The following RABGAP1L variants were observed in gnomAD, a reference collection of about 807,000 sequenced individuals.
RABGAP1L encodes the protein rab GTPase-activating protein 1-like.
In RABGAP1L, 63 loss-of-function variants were observed where a neutral mutation model predicts 137.7. The observed-to-expected ratio is 0.46, with a 90% CI of 0.37 to 0.56. The LOEUF (loss-of-function observed/expected upper bound fraction) is 0.56, where lower values mean the gene tolerates loss of function less well. Among genes scored for constraint, RABGAP1L ranks in the 20% least tolerant of loss-of-function variants. The probability of loss-of-function intolerance (pLI) is 0.00; values close to 1 mark genes in which losing one functional copy is unlikely to be tolerated. For synonymous variants in RABGAP1L, 431 were observed against 433.7 expected (o/e 0.99, Z 0.08); for missense variants, 1,095 against 1,244.0 (o/e 0.88, Z 1.80).
intron 1 of RABGAP1L, among the ~76,000 whole-genome samples, chr1:174,217,511 A>G (rs1669429283): frequency 6.6e-6 from 1 of 152,182 alleles, no homozygotes; most frequent in Admixed American, 6.5e-5. Flanking sequence ...CCTGAGAAGG[A>G]CTTGAAGGAT....
intron 19 of RABGAP1L, chr1:174,875,834 C>T (rs968870489): frequency 2.5e-5 from 11 of 445,518 alleles, no homozygotes; most frequent in Non-Finnish European, 3.0e-5. Context: ...TAATGCTTAA[C>T]AGACAAAGCA....
chr1:174,378,799 C>G (rs1314442491), intron 12 of RABGAP1L, among the ~76,000 whole-genome samples: 2 of 132,718 alleles, frequency 1.5e-5, no homozygotes, highest in African/African-American at 2.7e-5. Flanking sequence ...AATTAGATCC[C>G]ATTTGTCAAT....
chr1:174,720,286 T>TAGAC lies in RABGAP1L; in HGVS notation c.2169+18033_2169+18034insCAGA, dbSNP rs1405238811. Among the ~76,000 whole-genome samples, 354 of 134,228 alleles carry TAGAC rather than the reference T, an allele frequency of 2.6e-3. 3 individuals carry two copies. The highest frequency in any genetic ancestry group is 0.012 in the African/African-American group (310 of 26,756). 88.1% of individuals were successfully genotyped at this position (134,228 alleles called of 152,430 possible). A position where few individuals can be genotyped will look rare whatever the true frequency, so the allele number is the denominator to read the frequency against. On this transcript the variant is annotated intron_variant, in intron 17 of 25. Coordinates refer to ENST00000681986, the MANE Select transcript of RABGAP1L (RefSeq NM_001366446.1). ...ATAGATAGATAGATAGATAGATAGA[T>TAGAC]AGATAGACAGACAGATAGTTGGTTT...
intron 13 of RABGAP1L, among the ~76,000 whole-genome samples, chr1:174,614,390 C>G (rs1557901286): frequency 6.6e-6 from 1 of 152,156 alleles, no homozygotes; most frequent in Non-Finnish European, 1.5e-5. Flanking sequence ...TTGGCCCCCA[C>G]TCTCTTCTGG....
At position 174,410,488 on chromosome 1, in the gene RABGAP1L, TTATTGA is replaced by T. The variant is rs535064359; in HGVS notation, c.1710+16344_1710+16349del. Reference sequence around the variant, plus strand: ...ATGTGTGGCTAAGTCTTTTCACCATTTATTGAATAAGGAGCCCTTTCCCTATTGCTT... The same window carrying T: ...ATGTGTGGCTAAGTCTTTTCACCATTATAAGGAGCCCTTTCCCTATTGCTT... On this transcript the variant is annotated intron_variant, in intron 13 of 25. Transcript: ENST00000681986. Among the ~76,000 whole-genome samples the T allele has an allele frequency of 3.0e-4, 46 of 152,256 alleles. 1 individual carries two copies. The South Asian group carries it at 9.5e-3, about 32-fold the overall frequency.
chr1:174,885,110 T>C (rs907622040), intron 19 of RABGAP1L, among the ~76,000 whole-genome samples: 13 of 152,146 alleles, frequency 8.5e-5, no homozygotes, highest in African/African-American at 2.7e-4. Flanking sequence ...GAGAAAGTAG[T>C]CCGGACTGAA....
chr1:174,817,615 G>T (rs1488110918), intron 19 of RABGAP1L, among the ~76,000 whole-genome samples: 3 of 152,082 alleles, frequency 2.0e-5, no homozygotes, highest in Non-Finnish European at 4.4e-5. Context: ...TAAGCAATTT[G>T]GATTTTATCC....
At chr1:174,817,102 C>T (rs900698984) in intron 19 of RABGAP1L, among the ~76,000 whole-genome samples, 4 of 152,166 alleles carry the variant, frequency 2.6e-5, no homozygotes, top group Middle Eastern at 3.4e-3. Flanking sequence ...ACCATATTTA[C>T]GATGGACTTC....
chr1:174,878,922 A>ATTTTTTTT (rs1553270633), intron 19 of RABGAP1L, among the ~76,000 whole-genome samples: 1 of 105,360 alleles, frequency 9.5e-6, no homozygotes, highest in African/African-American at 4.3e-5. Context: ...TTTTTTGTGC[A>ATTTTTTTT]TTGTTTTTTT....
chr1:174,384,094 C>T (rs951074516), intron 12 of RABGAP1L, among the ~76,000 whole-genome samples: 2 of 152,146 alleles, frequency 1.3e-5, no homozygotes, highest in Non-Finnish European at 2.9e-5. Flanking sequence ...TGCTACTGAG[C>T]AATTAAAAGA....
intron 13 of RABGAP1L, among the ~76,000 whole-genome samples, chr1:174,413,050 A>G (rs186669374): frequency 2.6e-4 from 40 of 152,288 alleles, no homozygotes; most frequent in Admixed American, 2.6e-3. Context: ...TCACTCAAAT[A>G]TGTTTTTCAG....
intron 13 of RABGAP1L, among the ~76,000 whole-genome samples, chr1:174,511,398 A>G (rs1662320120): frequency 6.6e-6 from 1 of 152,218 alleles, no homozygotes. Flanking sequence ...TTTATAATTA[A>G]GTAAGCTTAC....
At chr1:174,953,755 CTG>C (rs1480882567) in intron 19 of RABGAP1L, among the ~76,000 whole-genome samples, 2 of 152,184 alleles carry the variant, frequency 1.3e-5, no homozygotes, top group African/African-American at 2.4e-5. Context: ...TCAGCAGACA[CTG>C]TGGGAGATCG....
intron 11 of RABGAP1L, among the ~76,000 whole-genome samples, chr1:174,328,294 A>G (rs1277016412): frequency 6.6e-6 from 1 of 152,002 alleles, no homozygotes; most frequent in Non-Finnish European, 1.5e-5. Flanking sequence ...ATCATATCTT[A>G]GGCTACAAAA....
chr1:174,946,940 ATGTGTG>A (rs755558389), intron 19 of RABGAP1L, among the ~76,000 whole-genome samples: 1,193 of 60,840 alleles, frequency 0.02, 25 homozygotes, highest in East Asian at 0.031. Flanking sequence ...ATATATATAT[ATGTGTG>A]TGTGTGTGTG....
intron 20 of RABGAP1L, among the ~76,000 whole-genome samples, chr1:174,966,334 T>C (rs1194314379): frequency 6.6e-6 from 1 of 152,222 alleles, no homozygotes; most frequent in Non-Finnish European, 1.5e-5. Flanking sequence ...CTTGAAGATA[T>C]TTATCAAGAA....
At chr1:174,223,599 G>A (rs887901377) in intron 3 of RABGAP1L, among the ~76,000 whole-genome samples, 2 of 152,028 alleles carry the variant, frequency 1.3e-5, no homozygotes, top group Non-Finnish European at 2.9e-5. Context: ...AAATGTTATT[G>A]AAGGAAATGA....
intron 11 of RABGAP1L, among the ~76,000 whole-genome samples, chr1:174,324,056 C>T (rs917872299): frequency 4.6e-5 from 7 of 152,076 alleles, no homozygotes; most frequent in South Asian, 2.1e-4. Context: ...TGTTATTAAC[C>T]TGCAAATTAT....
intron 17 of RABGAP1L, among the ~76,000 whole-genome samples, chr1:174,725,443 T>A (rs1439249261): frequency 6.6e-6 from 1 of 152,220 alleles, no homozygotes; most frequent in Non-Finnish European, 1.5e-5. Context: ...GTTGTTGTTG[T>A]TTACTTCCAA....
Sources: allele counts gnomAD v4.1 joint callset (sites outside exome capture counted in the v4.1 genomes callset), GRCh38; gene constraint gnomAD v4.1.1; transcripts MANE v1.5; gene names NCBI Gene and HGNC (gene_info 2026-07-23, HGNC 2026-07-21).